Variants in PDS5A observed in about 807,000 individuals in gnomAD.
PDS5A encodes the protein PDS5 cohesin associated factor A.
In PDS5A, 42 loss-of-function variants were observed where a neutral mutation model predicts 167.1. The ratio of observed to expected loss-of-function variants is 0.25; its 90% CI spans 0.20 to 0.33. The LOEUF (loss-of-function observed/expected upper bound fraction) is 0.33, where lower values mean the gene tolerates loss of function less well. Among genes scored for constraint, PDS5A ranks in the 10% least tolerant of loss-of-function variants. The probability of loss-of-function intolerance (pLI) is 1.00; values close to 1 mark genes in which losing one functional copy is unlikely to be tolerated. For missense variants in PDS5A, 1,033 were observed against 1,605.9 expected (o/e 0.64, Z 6.10); for synonymous variants, 553 against 554.6 (o/e 1.00, Z 0.04).
intron 32 of PDS5A, among the ~76,000 whole-genome samples, chr4:39,833,216 A>AG (rs1491272334): frequency 1.4e-5 from 2 of 147,238 alleles, no homozygotes; most frequent in African/African-American, 4.9e-5. Context: ...AAAAAAAAAA[A>AG]GAAAAAAGTT....
At chr4:39,948,900 G>C (rs1173228037) in intron 2 of PDS5A, among the ~76,000 whole-genome samples, 4 of 151,986 alleles carry the variant, frequency 2.6e-5, no homozygotes, top group Non-Finnish European at 5.9e-5. Context: ...TCTGGAATTA[G>C]AGGTGTGAGC....
At chr4:39,878,466 G>A (rs557923733) in intron 18 of PDS5A, among the ~76,000 whole-genome samples, 50 of 151,906 alleles carry the variant, frequency 3.3e-4, no homozygotes, top group Admixed American at 2.5e-3. Context: ...GCATGGTGGC[G>A]GGAGCCTGTA....
Position 39,825,442 on chromosome 4 carries a change from T to C in PDS5A, c.*43A>G. ...CCAAGTTTTTGCAGAAGCTGGAGCC[T>C]GCTTCTGTTTGGCCTTCATTTTCTC... is the stretch of plus-strand genomic sequence containing the variant. On this transcript the variant is annotated 3_prime_UTR_variant, in exon 33 of 33. Coordinates refer to ENST00000303538, the MANE Select transcript of PDS5A (RefSeq NM_001100399.2). The C allele has an allele frequency of 6.4e-7, 1 of 1,552,066 alleles. No individual in the cohort carries two copies. The highest frequency in any genetic ancestry group is 8.8e-7 in the Non-Finnish European group (1 of 1,139,796).
chr4:39,926,694 T>C, intron 4 of PDS5A, 81 bp downstream of exon 4: 3 of 993,122 alleles, frequency 3.0e-6, no homozygotes, highest in Non-Finnish European at 4.2e-6. Flanking sequence ...TAAACACTCA[T>C]TTTACATTAC....
chr4:39,886,435 C>T (rs1267421143), intron 17 of PDS5A, among the ~76,000 whole-genome samples: 4 of 152,020 alleles, frequency 2.6e-5, no homozygotes, highest in East Asian at 1.9e-4. Context: ...TGATTTTGGC[C>T]GGGCGGGGTG....
At chr4:39,963,021 TAA>T (rs879644713) in intron 2 of PDS5A, among the ~76,000 whole-genome samples, 1 of 144,736 alleles carries the variant, frequency 6.9e-6, no homozygotes. Context: ...TTACCACAAT[TAA>T]AAAAAAAAAA....
chr4:39,922,740 T>C lies in PDS5A; in HGVS notation c.536A>G (p.His179Arg). The C allele has an allele frequency of 1.4e-6, 2 of 1,457,336 alleles. No homozygotes were observed. The highest frequency in any genetic ancestry group is 2.2e-4 in the Middle Eastern group (1 of 4,500). The allele number at this position is 1,457,336 out of a possible 1,614,324, so 90.3% of individuals were successfully genotyped here. The change falls in exon 6 of 33, where the codon CAC (histidine) becomes CGC (arginine). Residue 179 changes from histidine to arginine, a missense_variant. Around this residue, in one of 4 missense-constraint regions of PDS5A, gnomAD observed 388 missense variants for 615.1 expected, o/e 0.63. Transcript: ENST00000303538. ...RTLFSVINNS[H>R]NKKVQMHMLD... is the part of the protein sequence containing the mutation. ...CATGTGCATTTGTACCTTCTTATTG[T>C]GGCTATTGCTATAAAAAAAAAAAAA...
chr4:39,916,508 T>C (rs1369075089), intron 8 of PDS5A, among the ~76,000 whole-genome samples: 3 of 152,328 alleles, frequency 2.0e-5, no homozygotes, highest in East Asian at 3.9e-4. Flanking sequence ...TCTAAGATAA[T>C]ACCATTTTTC....
chr4:39,963,878 T>C (rs369858912), intron 2 of PDS5A, among the ~76,000 whole-genome samples: 12 of 151,932 alleles, frequency 7.9e-5, no homozygotes, highest in South Asian at 4.2e-4. Context: ...GAAATAGATA[T>C]ATAAATTGAT....
intron 2 of PDS5A, among the ~76,000 whole-genome samples, chr4:39,960,562 T>A (rs935776479): frequency 3.9e-5 from 6 of 151,976 alleles, no homozygotes; most frequent in African/African-American, 1.5e-4. Context: ...TTTTTTTTTT[T>A]AAGAGACAGG....
intron 2 of PDS5A, among the ~76,000 whole-genome samples, chr4:39,947,882 G>A (rs13105733): frequency 0.74 from 113,161 of 152,034 alleles, 42,509 homozygotes; most frequent in Middle Eastern, 0.86. Context: ...CAACACTGCT[G>A]CAATGAGAAC....
intron 26 of PDS5A, among the ~76,000 whole-genome samples, chr4:39,853,719 C>G (rs1009494860): frequency 1.3e-5 from 2 of 152,172 alleles, no homozygotes; most frequent in African/African-American, 2.4e-5. Flanking sequence ...CACTTTTTCC[C>G]CTGGCTCCTT....
At chr4:39,833,901 T>C (rs1255737423) in intron 32 of PDS5A, among the ~76,000 whole-genome samples, 1 of 152,200 alleles carries the variant, frequency 6.6e-6, no homozygotes, top group Non-Finnish European at 1.5e-5. Flanking sequence ...TCAATGGCTG[T>C]TAAAACCCTT....
Position 39,840,304 on chromosome 4 carries a change from T to TCAAAA in PDS5A, c.3657+1639_3657+1643dup, listed in dbSNP as rs563654097. Among the ~76,000 whole-genome samples the TCAAAA allele has an allele frequency of 2.8e-4, 42 of 152,256 alleles. 1 individual carries two copies. In the East Asian group the frequency reaches 4.1e-3, roughly 15 times the overall value. On this transcript the variant is annotated intron_variant, in intron 31 of 32. Coordinates refer to ENST00000303538, the MANE Select transcript of PDS5A (RefSeq NM_001100399.2). ...GGGTTGGGCATGGTGAGATCCTGTT[T>TCAAAA]CAAAACAAAACAAAACAAAATTGGG...
At chr4:39,910,631 A>G (rs957922040) in intron 9 of PDS5A, among the ~76,000 whole-genome samples, 1 of 152,264 alleles carries the variant, frequency 6.6e-6, no homozygotes, top group African/African-American at 2.4e-5. Flanking sequence ...TGGAGTTAAA[A>G]TCTGAGAGCT....
chr4:39,929,445 C>T (rs1046478046), intron 2 of PDS5A, among the ~76,000 whole-genome samples: 7 of 149,794 alleles, frequency 4.7e-5, no homozygotes, highest in Admixed American at 3.4e-4. Flanking sequence ...AGTTTTGGGA[C>T]TCGGACTGGC....
intron 17 of PDS5A, among the ~76,000 whole-genome samples, chr4:39,886,957 T>C (rs1721531775): frequency 6.6e-6 from 1 of 152,104 alleles, no homozygotes. Context: ...TACTGAGTTT[T>C]GTATGTTGAT....
Position 39,825,561 on chromosome 4 carries a change from T to C in PDS5A, c.4011-73A>G, listed in dbSNP as rs1578551969. ...TATAAACCAAACGAAAATGATTTCA[T>C]TTCCATAGTTGTTATCTAAAATCTT... On this transcript the variant is annotated intron_variant, in intron 32 of 32. Transcript: ENST00000303538. 29 of 1,126,272 alleles carry C rather than the reference T, an allele frequency of 2.6e-5. No homozygotes were observed. The East Asian group carries it at 7.8e-4, about 30-fold the overall frequency. The allele number at this position is 1,126,272 out of a possible 1,614,324, so 69.8% of individuals were successfully genotyped here.
chr4:39,899,754 T>C (rs1273102688), intron 14 of PDS5A, among the ~76,000 whole-genome samples: 1 of 145,060 alleles, frequency 6.9e-6, no homozygotes, highest in Non-Finnish European at 1.5e-5. Context: ...AAGGCTGAGG[T>C]GGGAGGATCA....
Sources: gnomAD v4.1 joint callset for allele counts (sites outside exome capture counted in the v4.1 genomes callset) on GRCh38, gnomAD v4.1.1 for gene constraint, gnomAD v4.1.1 regional missense constraint, MANE v1.5 for transcripts, NCBI Gene and HGNC (gene_info 2026-07-23, HGNC 2026-07-21) for gene names.